Variants in MYO10 observed in about 807,000 individuals in gnomAD.
The protein encoded by MYO10 is unconventional myosin-X.
MYO10 carries 133 observed loss-of-function variants against 257.3 expected under a neutral mutation model. That is an observed-to-expected ratio of 0.52 (90% CI 0.45 to 0.60). The LOEUF (loss-of-function observed/expected upper bound fraction) is 0.60, where lower values mean the gene tolerates loss of function less well. Ranked by LOEUF, MYO10 falls within the 20% of genes least tolerant of loss-of-function variation. The probability of loss-of-function intolerance (pLI) is 0.00; values close to 1 mark genes in which losing one functional copy is unlikely to be tolerated. For synonymous variants in MYO10, 1,104 were observed against 1,028.6 expected, an observed-to-expected ratio of 1.07 and a Z score of -1.40; for missense variants, 2,399 against 2,635.7, an observed-to-expected ratio of 0.91 and a Z score of 1.97.
chr5:16,926,050 G>A (rs1443231617), intron 1 of MYO10, among the ~76,000 whole-genome samples: 1 of 152,062 alleles, frequency 6.6e-6, no homozygotes, highest in African/African-American at 2.4e-5. Flanking sequence ...AATATCCCTA[G>A]CATAAAGATA....
At chr5:16,783,595 A>C in intron 4 of MYO10, 126 bp from the exon 5 acceptor site, 2 of 1,074,902 alleles carry the variant, frequency 1.9e-6, no homozygotes, top group Non-Finnish European at 2.7e-6. Flanking sequence ...GGAGATCAAA[A>C]TGCCTGTTTC....
At chr5:16,884,607 C>T (rs115165910) in intron 1 of MYO10, among the ~76,000 whole-genome samples, 2,664 of 150,766 alleles carry the variant, frequency 0.018, 41 homozygotes, top group Middle Eastern at 0.038. Context: ...ACTGCAGAAA[C>T]GGGTTGTGAG....
intron 1 of MYO10, among the ~76,000 whole-genome samples, chr5:16,917,269 T>C (rs536481461): frequency 6.6e-6 from 1 of 152,322 alleles, no homozygotes; most frequent in Admixed American, 6.5e-5. Flanking sequence ...TGATTTTATT[T>C]AGAAAATGCA....
At chr5:16,718,305 T>G (rs1250380312) in intron 19 of MYO10, among the ~76,000 whole-genome samples, 5 of 152,086 alleles carry the variant, frequency 3.3e-5, no homozygotes, top group Admixed American at 1.3e-4. Context: ...CGGCGCCCAG[T>G]CCCATCGACC....
In MYO10 at chr5:16,747,939, A is replaced by G. The variant is rs1315117381; in HGVS notation, c.1929+6889T>C. 1.1e-4 allele frequency among the ~76,000 whole-genome samples: 13 copies of G among 123,582 alleles called. No homozygotes were observed. In the East Asian group the frequency reaches 1.2e-3, roughly 11 times the overall value. 81.1% of individuals were successfully genotyped at this position (123,582 alleles called of 152,430 possible). A position where few individuals can be genotyped will look rare whatever the true frequency, so the allele number is the denominator to read the frequency against. ...GTCTCAAAAAAAAAAAAAAAAAAAAAAAAAAAAGAAAAAAAAAAAGATACA... is the reference window on the plus strand; with the variant it reads ...GTCTCAAAAAAAAAAAAAAAAAAAAGAAAAAAAGAAAAAAAAAAAGATACA... On this transcript the variant is annotated intron_variant, in intron 19 of 40. Coordinates refer to ENST00000513610, the MANE Select transcript of MYO10 (RefSeq NM_012334.3).
At chr5:16,801,244 G>A (rs976092975) in intron 3 of MYO10, among the ~76,000 whole-genome samples, 11 of 152,194 alleles carry the variant, frequency 7.2e-5, no homozygotes, top group Admixed American at 2.6e-4. Flanking sequence ...GTCTCGCTCC[G>A]TTGCCCAGGC....
chr5:16,745,999 TA>T (rs1385110498), intron 19 of MYO10, among the ~76,000 whole-genome samples: 21 of 152,000 alleles, frequency 1.4e-4, no homozygotes, highest in African/African-American at 5.1e-4. Flanking sequence ...GTCCATAGGG[TA>T]AAGTGAAAGC....
chr5:16,741,487 A>G (rs1220165301), intron 19 of MYO10, among the ~76,000 whole-genome samples: 1 of 152,236 alleles, frequency 6.6e-6, no homozygotes, highest in African/African-American at 2.4e-5. Flanking sequence ...AAACAAAAGA[A>G]ACCACCAATT....
intron 2 of MYO10, among the ~76,000 whole-genome samples, chr5:16,832,639 C>T (rs551037356): frequency 2.6e-5 from 4 of 152,244 alleles, no homozygotes; most frequent in East Asian, 1.9e-4. Context: ...CCTCATGTCC[C>T]GGTCTTAATT....
chr5:16,666,675 T>TG lies in MYO10; in HGVS notation c.*16dup. 6.3e-7 allele frequency: 1 copy of TG among 1,578,878 alleles called. No homozygotes were observed. Reference sequence around the variant, plus strand: ...GGTGCGTTCAGGTAGCAAAGACAGGTGGGCTCTGTCCCGCCTTCACCTGGA... The same window carrying TG: ...GGTGCGTTCAGGTAGCAAAGACAGGTGGGGCTCTGTCCCGCCTTCACCTGGA... On this transcript the variant is annotated 3_prime_UTR_variant, in exon 41 of 41. Coordinates refer to ENST00000513610, the MANE Select transcript of MYO10 (RefSeq NM_012334.3).
intron 18 of MYO10, among the ~76,000 whole-genome samples, chr5:16,755,429 T>C (rs932179939): frequency 6.6e-6 from 1 of 152,196 alleles, no homozygotes; most frequent in African/African-American, 2.4e-5. Flanking sequence ...CCTCCCAAAG[T>C]GCTGGGATTA....
At chr5:16,905,126 G>T (rs148447173) in intron 1 of MYO10, among the ~76,000 whole-genome samples, 1 of 152,084 alleles carries the variant, frequency 6.6e-6, no homozygotes, top group Non-Finnish European at 1.5e-5. Flanking sequence ...AGCAAATCTC[G>T]CTTGATGCGG....
chr5:16,935,759 A>T (rs374827221), intron 1 of MYO10, 29 bp downstream of exon 1: 69 of 1,613,146 alleles, frequency 4.3e-5, no homozygotes, highest in Non-Finnish European at 5.2e-5. Context: ...TGGGCTCCGG[A>T]GGCCAGGTCG....
At chr5:16,801,764 G>C (rs1419898506) in intron 3 of MYO10, among the ~76,000 whole-genome samples, 4 of 150,070 alleles carry the variant, frequency 2.7e-5, no homozygotes, top group African/African-American at 1.0e-4. Flanking sequence ...CATCCTCCAA[G>C]CACTTTCTTA....
chr5:16,726,094 T>A (rs1739357067), intron 19 of MYO10, among the ~76,000 whole-genome samples: 1 of 152,108 alleles, frequency 6.6e-6, no homozygotes, highest in African/African-American at 2.4e-5. Context: ...CCCACTCAAG[T>A]CTTTTAACAT....
At chr5:16,925,423 G>A (rs1001512503) in intron 1 of MYO10, among the ~76,000 whole-genome samples, 1 of 152,082 alleles carries the variant, frequency 6.6e-6, no homozygotes, top group African/African-American at 2.4e-5. Context: ...CACGCATTAC[G>A]GTATACTCCT....
intron 19 of MYO10, among the ~76,000 whole-genome samples, chr5:16,744,300 T>C (rs1740109746): frequency 6.6e-6 from 1 of 152,176 alleles, no homozygotes; most frequent in Non-Finnish European, 1.5e-5. Flanking sequence ...TGACCTCACT[T>C]AATACACATA....
chr5:16,834,220 A>G (rs1743245405), intron 2 of MYO10, among the ~76,000 whole-genome samples: 1 of 152,132 alleles, frequency 6.6e-6, no homozygotes, highest in Non-Finnish European at 1.5e-5. Context: ...AGCACCTTGG[A>G]CAGAAACCTC....
At chr5:16,827,399 G>A (rs1355435868) in intron 2 of MYO10, among the ~76,000 whole-genome samples, 1 of 152,100 alleles carries the variant, frequency 6.6e-6, no homozygotes, top group African/African-American at 2.4e-5. Flanking sequence ...CAATTCTCCT[G>A]GCTCAGCCTC....
Sources: allele counts gnomAD v4.1 joint callset (sites outside exome capture counted in the v4.1 genomes callset), GRCh38; gene constraint gnomAD v4.1.1; transcripts MANE v1.5; gene names NCBI Gene and HGNC (gene_info 2026-07-23, HGNC 2026-07-21).